MRPS15: variants seen among roughly 807,000 people sequenced by gnomAD.
MRPS15 encodes the protein mitochondrial ribosomal protein S15, also known as small ribosomal subunit protein uS15m.
In MRPS15, 25 loss-of-function variants were observed where a neutral mutation model predicts 30.7. That is an observed-to-expected ratio of 0.81 (90% confidence interval 0.59 to 1.14). The LOEUF (loss-of-function observed/expected upper bound fraction) is 1.14, where lower values mean the gene tolerates loss of function less well. MRPS15 is among the 50% of genes most tolerant of loss of function. MRPS15 has a pLI of 0.00. For synonymous variants in MRPS15, 124 were observed against 120.1 expected (o/e 1.03, Z -0.21); for missense variants, 313 against 321.7 (o/e 0.97, Z 0.21).
chr1:36,464,072 C>CTGTGCTTCCTTCTCCCCTACTCT (rs1650157528), intron 1 of MRPS15, 74 bp downstream of exon 1: 15 of 1,577,566 alleles, frequency 9.5e-6, no homozygotes, highest in East Asian at 9.0e-5. Context: ...TCCCCTACTC[C>CTGTGCTTCCTTCTCCCCTACTCT]TGTGCTTCCT....
intron 5 of MRPS15, 64 bp downstream of exon 5, chr1:36,460,628 C>T (rs1215581332): frequency 8.1e-6 from 10 of 1,232,144 alleles, no homozygotes; most frequent in Non-Finnish European, 1.1e-5. Context: ...AGACAAGAGC[C>T]CTAGATCAGG....
intron 2 of MRPS15, 56 bp from the exon 3 acceptor site, chr1:36,462,219 C>A (rs1434428045): frequency 6.6e-6 from 9 of 1,359,278 alleles, no homozygotes; most frequent in Non-Finnish European, 2.1e-6. Context: ...GCTGCCCACC[C>A]TCCCAGACCT....
intron 6 of MRPS15, among the ~76,000 whole-genome samples, chr1:36,457,563 A>G (rs1312995845): frequency 6.6e-6 from 1 of 152,200 alleles, no homozygotes; most frequent in Non-Finnish European, 1.5e-5. Context: ...TATGATCTCC[A>G]TCTTATTGAA....
chr1:36,463,717 G>C (rs964995374), intron 2 of MRPS15, 89 bp downstream of exon 2: 2 of 1,466,248 alleles, frequency 1.4e-6, no homozygotes, highest in African/African-American at 1.4e-5. Flanking sequence ...TCATCTAGTG[G>C]CTCTAATTCG....
In MRPS15 at chr1:36,462,105, A is replaced by G. The variant is rs1252410052; in HGVS notation, c.234T>C (p.Asn78=). 1.2e-6 allele frequency: 2 copies of G among 1,613,170 alleles called. No homozygotes were observed. The highest frequency in any genetic ancestry group is 1.7e-5 in the Admixed American group (1 of 59,990). ...PPSTLLKDYQ[N]VPGIEKVDDV... Reference sequence around the variant, plus strand: ...CTGCTTACTTCTCAATTCCAGGGACATTCTGGTAGTCTTTGAGCAGCGTAG... The same window carrying G: ...CTGCTTACTTCTCAATTCCAGGGACGTTCTGGTAGTCTTTGAGCAGCGTAG... The change falls in exon 3 of 8, where the codon AAT becomes AAC. Residue 78 remains asparagine (N), a synonymous_variant. Coordinates refer to ENST00000373116, the MANE Select transcript of MRPS15 (RefSeq NM_031280.4).
intron 6 of MRPS15, among the ~76,000 whole-genome samples, chr1:36,457,117 A>G (rs777469069): frequency 3.3e-5 from 5 of 152,104 alleles, no homozygotes; most frequent in Non-Finnish European, 5.9e-5. Context: ...TCTACTAAAA[A>G]TACAAAAAAT....
In MRPS15 at chr1:36,456,244, AG is replaced by A. The variant is rs747678438; in HGVS notation, c.578del (p.Pro193LeufsTer12). The A allele has an allele frequency of 5.8e-4, 934 of 1,613,898 alleles. No individual in the cohort carries two copies. The highest frequency in any genetic ancestry group is 7.3e-4 in the Non-Finnish European group (857 of 1,179,982). ...GGCGGTGGGCTCTTCGGTAATACAG[AG>A]GGGGGAAGGTGTACTCAATTCCCAG... ...WGLGIEYTFP[P>X]LYYRRAHRRF... is the part of the protein sequence containing the mutation. On this transcript the variant is annotated frameshift_variant, in exon 7 of 8. Transcript: ENST00000373116. LOFTEE classifies it high-confidence loss of function.
At position 36,464,238 on chromosome 1, in the gene MRPS15, C is replaced by T. The variant is rs1650165598; in HGVS notation, c.38G>A (p.Arg13Gln). 6.2e-7 allele frequency: 1 copy of T among 1,614,008 alleles called. No homozygotes were observed. Among genetic ancestry groups the T allele is most frequent in the Admixed American group, 1.7e-5 (1 of 60,010 alleles). Residue 13 changes from arginine (R) to glutamine (Q), a missense_variant, in exon 1 of 8, where the codon CGG (arginine) becomes CAG (glutamine). By Grantham distance (43) the Arg-to-Gln change is conservative. Transcript: ENST00000373116. Reference sequence around the variant, plus strand: ...TAGGACCTGGGTAACTGCCCGGGTCCGAATCAAACTCAGCGTCCTCCACGC... The same window carrying T: ...TAGGACCTGGGTAACTGCCCGGGTCTGAATCAAACTCAGCGTCCTCCACGC... ...RVAWRTLSLIRTRAVTQVLVP... is the reference protein window; with the variant it reads ...RVAWRTLSLIQTRAVTQVLVP...
chr1:36,457,421 A>G lies in MRPS15; in HGVS notation c.444+502T>C, dbSNP rs1294610001. On this transcript the variant is annotated intron_variant, in intron 6 of 7. Coordinates refer to ENST00000373116, the MANE Select transcript of MRPS15 (RefSeq NM_031280.4). ...AGATTATTCCTCGTTAAGATGGGAA[A>G]AAAAAGTCATGAGAGTCAAATAAGA... 4.6e-5 allele frequency among the ~76,000 whole-genome samples: 7 copies of G among 152,194 alleles called. No homozygotes were observed. In the East Asian group the frequency reaches 9.6e-4, roughly 21 times the overall value.
intron 6 of MRPS15, 63 bp downstream of exon 6, chr1:36,457,860 C>T: frequency 6.6e-7 from 1 of 1,509,654 alleles, no homozygotes; most frequent in South Asian, 1.1e-5. Flanking sequence ...CAGAGCCCTT[C>T]CCCTCCGGAC....
At chr1:36,462,918 A>G (rs1213239473) in intron 2 of MRPS15, among the ~76,000 whole-genome samples, 2 of 151,426 alleles carry the variant, frequency 1.3e-5, no homozygotes, top group Middle Eastern at 3.5e-3. Flanking sequence ...GTGATCCTCC[A>G]GCCTTGGCCT....
intron 7 of MRPS15, 38 bp downstream of exon 7, chr1:36,456,149 T>C (rs762722602): frequency 1.3e-6 from 2 of 1,573,390 alleles, no homozygotes; most frequent in African/African-American, 1.4e-5. Context: ...TCCCAGTCCC[T>C]GAGTGGGGCC....
Position 36,462,082 on chromosome 1 carries a change from G to A in MRPS15, c.251+6C>T, listed in dbSNP as rs1270777479. 14 of 1,611,922 alleles carry A rather than the reference G, an allele frequency of 8.7e-6. No individual in the cohort carries two copies. The highest frequency in any genetic ancestry group is 1.1e-5 in the Non-Finnish European group (13 of 1,178,498). ...TGCCTCCTCTACTAGGTTTCTTCCTGCTTACTTCTCAATTCCAGGGACATT... is the reference window on the plus strand; with the variant it reads ...TGCCTCCTCTACTAGGTTTCTTCCTACTTACTTCTCAATTCCAGGGACATT... On this transcript the variant is annotated splice_donor_region_variant and intron_variant, in intron 3 of 7. Coordinates refer to ENST00000373116, the MANE Select transcript of MRPS15 (RefSeq NM_031280.4).
chr1:36,461,568 C>G (rs1650100242), intron 3 of MRPS15, among the ~76,000 whole-genome samples: 1 of 152,104 alleles, frequency 6.6e-6, no homozygotes, highest in Admixed American at 6.5e-5. Context: ...GAGAGGATTT[C>G]CATTTTAGCT....
At chr1:36,456,156 G>A in intron 7 of MRPS15, 31 bp downstream of exon 7, 1 of 1,580,764 alleles carries the variant, frequency 6.3e-7, no homozygotes, top group Non-Finnish European at 8.6e-7. Flanking sequence ...CCCTGAGTGG[G>A]GCCAAGCAAA....
In MRPS15 at chr1:36,463,594, C is replaced by A. The variant is rs555570273; in HGVS notation, c.175+212G>T. Among the ~76,000 whole-genome samples, 4 of 152,318 alleles carry A rather than the reference C, an allele frequency of 2.6e-5. No homozygotes were observed. In the South Asian group the frequency reaches 8.3e-4, roughly 32 times the overall value. On this transcript the variant is annotated intron_variant, in intron 2 of 7. Transcript: ENST00000373116. ...GGGAAGCTCATTTTCACTCATTCAC[C>A]TGGAAAGCTCCTGCTCCCGCCCTTC...
chr1:36,460,880 A>G (rs1319915695), intron 4 of MRPS15, 104 bp from the exon 5 acceptor site: 2 of 935,004 alleles, frequency 2.1e-6, no homozygotes, highest in East Asian at 2.5e-5. Flanking sequence ...AACTAGGGCC[A>G]TAAGGCTCAG....
Position 36,460,157 on chromosome 1 carries a change from G to A in MRPS15, c.385+535C>T, listed in dbSNP as rs937155068. Among the ~76,000 whole-genome samples, 8 of 152,242 alleles carry A rather than the reference G, an allele frequency of 5.3e-5. No individual in the cohort carries two copies. In the East Asian group the frequency reaches 5.8e-4, roughly 11 times the overall value. The stretch of plus-strand genomic sequence containing the variant: ...CCAGTAGCTAGGACTACAGGCGCCC[G>A]CCACCATGCCCGGCTAATTTTTTGT... On this transcript the variant is annotated intron_variant, in intron 5 of 7. Coordinates refer to ENST00000373116, the MANE Select transcript of MRPS15 (RefSeq NM_031280.4).
intron 6 of MRPS15, 93 bp downstream of exon 6, chr1:36,457,829 CT>C: frequency 8.0e-7 from 1 of 1,251,362 alleles, no homozygotes; most frequent in Non-Finnish European, 1.2e-6. Context: ...TCAGTGGCTT[CT>C]AAGCCTCCTT....
Sources: allele counts gnomAD v4.1 joint callset (sites outside exome capture counted in the v4.1 genomes callset), GRCh38; gene constraint gnomAD v4.1.1; transcripts MANE v1.5; gene names NCBI Gene and HGNC (gene_info 2026-07-23, HGNC 2026-07-21).